The following ERCC4 variants were observed in gnomAD, a reference collection of about 807,000 sequenced individuals.
ERCC4 encodes the protein ERCC excision repair 4, endonuclease catalytic subunit.
A neutral mutation model predicts 76.9 loss-of-function variants in ERCC4; 65 were observed. The ratio of observed to expected loss-of-function variants is 0.84; its 90% CI spans 0.69 to 1.04. The LOEUF is 1.04. ERCC4 is among the 50% of genes least tolerant of loss of function. The pLI is 0.00. For missense variants in ERCC4, 1,214 were observed against 1,128.2 expected (o/e 1.08, Z -1.09); for synonymous variants, 463 against 410.1 (o/e 1.13, Z -1.56).
At position 13,934,229 on chromosome 16, in the gene ERCC4, G is replaced by A. The variant is rs1827581048; in HGVS notation, c.1140G>A (p.Lys380=). The change falls in exon 7 of 11, where the codon AAG becomes AAA. Residue 380 remains lysine (K), a synonymous_variant. Coordinates refer to ENST00000311895, the MANE Select transcript of ERCC4 (RefSeq NM_005236.3). ...KKELVLESNP[K]WEALTEVLKE... ...AACTGGTCCTAGAAAGCAACCCAAA[G>A]TGGGAGGCACTGACTGAAGTATTAA... 1 of 1,613,254 alleles carries A rather than the reference G, an allele frequency of 6.2e-7. No homozygotes were observed. The highest frequency in any genetic ancestry group is 1.7e-5 in the Admixed American group (1 of 59,984).
intron 9 of ERCC4, 102 bp downstream of exon 9, chr16:13,937,960 C>T (rs563917110): frequency 5.2e-6 from 4 of 774,664 alleles, no homozygotes; most frequent in South Asian, 2.8e-5. Context: ...GCAAGGAAGA[C>T]GTTGGAGAGG....
intron 2 of ERCC4, chr16:13,922,510 C>T: frequency 2.7e-6 from 2 of 742,854 alleles, no homozygotes; most frequent in East Asian, 2.5e-5. Flanking sequence ...GTCGAAGATG[C>T]TCGCTTCAGA....
chr16:13,932,544 TATTG>T, intron 6 of ERCC4: 1 of 562,752 alleles, frequency 1.8e-6, no homozygotes, highest in Non-Finnish European at 3.1e-6. Flanking sequence ...AGATGTCAAA[TATTG>T]ATCAAAAGTA....
At chr16:13,922,249 G>A (rs1203788141) in intron 2 of ERCC4, 38 bp downstream of exon 2, 2 of 1,369,166 alleles carry the variant, frequency 1.5e-6, no homozygotes, top group South Asian at 1.3e-5. Context: ...ATGTAAATTT[G>A]TACTTTTTTT....
chr16:13,920,361 C>A lies in ERCC4; in HGVS notation c.196C>A (p.Pro66Thr). The A allele has an allele frequency of 1.3e-6, 2 of 1,581,956 alleles. No individual in the cohort carries two copies. The highest frequency in any genetic ancestry group is 1.7e-6 in the Non-Finnish European group (2 of 1,171,346). Reference protein sequence around the residue: ...ACLVLVLNTQPAEEEYFINQL... With the variant: ...ACLVLVLNTQTAEEEYFINQL... Reference sequence around the variant, plus strand: ...CCTGGTGCTGGTGCTCAACACGCAGCCGGCCGAGGAGGTGCGGCCGCGCTG... The same window carrying A: ...CCTGGTGCTGGTGCTCAACACGCAGACGGCCGAGGAGGTGCGGCCGCGCTG... Residue 66 changes from proline (P) to threonine (T), a missense_variant, in exon 1 of 11, where the codon CCG becomes ACG. By Grantham distance (38) the Pro-to-Thr change is conservative. Transcript: ENST00000311895.
At chr16:13,935,822 G>C (rs1481825114) in intron 8 of ERCC4, 79 bp downstream of exon 8, 4 of 1,072,848 alleles carry the variant, frequency 3.7e-6, no homozygotes, top group African/African-American at 1.5e-5. Flanking sequence ...TTGCATGTTA[G>C]TTTTCTTTAA....
Position 13,947,672 on chromosome 16 carries a change from A to G in ERCC4, c.2076A>G (p.Arg692=), listed in dbSNP as rs757434523. 6.2e-7 allele frequency: 1 copy of G among 1,614,104 alleles called. No homozygotes were observed. Among genetic ancestry groups the G allele is most frequent in the Non-Finnish European group, 8.5e-7 (1 of 1,180,044 alleles). The change falls in exon 11 of 11, where the codon CGA becomes CGG. Residue 692 remains arginine, a synonymous_variant. Transcript: ENST00000311895. Reference sequence around the variant, plus strand: ...TAGTTGTGGATATGCGTGAATTTCGAAGTGAGCTTCCATCTCTGATCCATC... The same window carrying G: ...TAGTTGTGGATATGCGTGAATTTCGGAGTGAGCTTCCATCTCTGATCCATC... ...QSIVVDMREF[R]SELPSLIHRR...
In ERCC4 at chr16:13,935,876, T is replaced by G. The variant is rs547538106; in HGVS notation, c.1811+133T>G. ...TTATGTTTATGAAACCTTATTTTGC[T>G]TCCTGATGAATCTGGGAAGTTGGAT... On this transcript the variant is annotated intron_variant, in intron 8 of 10. Transcript: ENST00000311895. 94 of 785,148 alleles carry G rather than the reference T, an allele frequency of 1.2e-4. No individual in the cohort carries two copies. The African/African-American group carries it at 1.2e-3, about 10-fold the overall frequency. 48.6% of individuals were successfully genotyped at this position (785,148 alleles called of 1,614,324 possible). A position where few individuals can be genotyped will look rare whatever the true frequency, so the allele number is the denominator to read the frequency against.
intron 2 of ERCC4, among the ~76,000 whole-genome samples, chr16:13,925,420 A>G (rs2032053925): frequency 6.6e-6 from 1 of 152,214 alleles, no homozygotes; most frequent in Non-Finnish European, 1.5e-5. Flanking sequence ...TTAGTTATGT[A>G]CGTGTATTGG....
At position 13,932,185 on chromosome 16, in the gene ERCC4, G is replaced by C. The variant is rs1162384254; in HGVS notation, c.1002G>C (p.Ser334=). ...GGCTGTTTCTTGACTCCAGCACCTC[G>C]ATGTTTATAAATGCTCGAGCAAGGG... ...SGWLFLDSST[S]MFINARARVY... The change falls in exon 6 of 11, where the codon TCG becomes TCC. Residue 334 remains serine (S), a synonymous_variant. Coordinates refer to ENST00000311895, the MANE Select transcript of ERCC4 (RefSeq NM_005236.3). The C allele has an allele frequency of 2.7e-5, 43 of 1,613,502 alleles. No homozygotes were observed. Among genetic ancestry groups the C allele is most frequent in the Non-Finnish European group, 3.6e-5 (42 of 1,179,534 alleles).
intron 2 of ERCC4, 91 bp downstream of exon 2, chr16:13,922,302 T>G: frequency 1.0e-6 from 1 of 954,486 alleles, no homozygotes; most frequent in South Asian, 1.4e-5. Flanking sequence ...CAGAGAATAG[T>G]CTGTCTTCAG....
At chr16:13,925,489 A>G (rs1274099491) in intron 2 of ERCC4, among the ~76,000 whole-genome samples, 3 of 152,204 alleles carry the variant, frequency 2.0e-5, no homozygotes, top group African/African-American at 2.4e-5. Context: ...AATTTTTACT[A>G]TATTTGGAAG....
intron 9 of ERCC4, among the ~76,000 whole-genome samples, chr16:13,939,459 A>G (rs1318430594): frequency 6.6e-6 from 1 of 152,178 alleles, no homozygotes; most frequent in South Asian, 2.1e-4. Flanking sequence ...AGGAGAGTAC[A>G]TCAAAGACCT....
intron 8 of ERCC4, 102 bp from the exon 9 acceptor site, chr16:13,937,657 ATATTTGT>A (rs2032327233): frequency 2.7e-6 from 2 of 747,234 alleles, no homozygotes; most frequent in South Asian, 2.9e-5. Flanking sequence ...TCTTAGTCAA[ATATTTGT>A]TATTTGAGCG....
chr16:13,926,614 A>C lies in ERCC4; in HGVS notation c.442A>C (p.Ile148Leu), dbSNP rs1436917947. 2 of 1,614,058 alleles carry C rather than the reference A, an allele frequency of 1.2e-6. No homozygotes were observed. Among genetic ancestry groups the C allele is most frequent in the Admixed American group, 1.7e-5 (1 of 60,004 alleles). Reference sequence around the variant, plus strand: ...AATCGAGTCTTGTCAAGAAGCATTCATCTTGCGCCTCTTTCGCCAGAAAAA... The same window carrying C: ...AATCGAGTCTTGTCAAGAAGCATTCCTCTTGCGCCTCTTTCGCCAGAAAAA... ...RIIESCQEAF[I>L]LRLFRQKNKR... Residue 148 changes from isoleucine (I) to leucine (L), a missense_variant, in exon 3 of 11, where the codon ATC becomes CTC. Physicochemically the swap from Ile to Leu is conservative, Grantham distance 5. Transcript: ENST00000311895.
At chr16:13,927,972 G>A (rs2032102016) in intron 3 of ERCC4, 56 bp from the exon 4 acceptor site, 1 of 1,334,916 alleles carries the variant, frequency 7.5e-7, no homozygotes. Context: ...ACCAAGACCA[G>A]AAATACATAG....
rs1349883220 is a variant in ERCC4 at position 13,935,207 on chromosome 16, T to C, written c.1275T>C (p.Thr425=). The change falls in exon 8 of 11, where the codon ACT becomes ACC. Residue 425 remains threonine, a synonymous_variant. Coordinates refer to ENST00000311895, the MANE Select transcript of ERCC4 (RefSeq NM_005236.3). Reference sequence around the variant, plus strand: ...GTTCCCAGCTGAGAGACTATATCACTCTTGGAGCGGAGGCCTTCTTATTGA... The same window carrying C: ...GTTCCCAGCTGAGAGACTATATCACCCTTGGAGCGGAGGCCTTCTTATTGA... ...RTCSQLRDYI[T]LGAEAFLLRL... is the part of the protein sequence containing the mutation. 1 of 1,613,976 alleles carries C rather than the reference T, an allele frequency of 6.2e-7. No individual in the cohort carries two copies. Among genetic ancestry groups the C allele is most frequent in the African/African-American group, 1.3e-5 (1 of 74,908 alleles).
intron 1 of ERCC4, 35 bp downstream of exon 1, chr16:13,920,407 CGA>C (rs2031948923): frequency 6.5e-7 from 1 of 1,529,462 alleles, no homozygotes; most frequent in Non-Finnish European, 8.8e-7. Flanking sequence ...GAGGGGACTC[CGA>C]GAGTGTTGAG....
chr16:13,926,477 C>A, intron 2 of ERCC4, 84 bp from the exon 3 acceptor site: 1 of 1,183,608 alleles, frequency 8.4e-7, no homozygotes, highest in Non-Finnish European at 1.3e-6. Context: ...TATTCATTCT[C>A]TTGTAAGTAC....
Sources: allele counts gnomAD v4.1 joint callset (sites outside exome capture counted in the v4.1 genomes callset), GRCh38; gene constraint gnomAD v4.1.1; transcripts MANE v1.5; gene names NCBI Gene and HGNC (gene_info 2026-07-23, HGNC 2026-07-21).